The following GUCY1B1 variants were observed in gnomAD, a reference collection of about 807,000 sequenced individuals.
GUCY1B1 encodes the protein guanylate cyclase 1 soluble subunit beta 1, also known as guanylate cyclase soluble subunit beta-1.
A neutral mutation model predicts 71.0 loss-of-function variants in GUCY1B1; 43 were observed. The observed-to-expected ratio is 0.61, with a 90% CI of 0.47 to 0.78. The LOEUF is 0.78. Among genes scored for constraint, GUCY1B1 ranks in the 30% least tolerant of loss-of-function variants. The pLI is 0.00. For missense variants in GUCY1B1, 535 were observed against 754.1 expected (o/e 0.71, Z 3.40); for synonymous variants, 266 against 259.7 (o/e 1.02, Z -0.23).
chr4:155,806,504 G>T lies in GUCY1B1; in HGVS notation c.*95G>T. On this transcript the variant is annotated 3_prime_UTR_variant, in exon 14 of 14. Transcript: ENST00000264424. Reference sequence around the variant, plus strand: ...GGAGCAGTTCTTCCCTATGGATACAGATTTTCTTTTGTCCTTGTCCATTAC... The same window carrying T: ...GGAGCAGTTCTTCCCTATGGATACATATTTTCTTTTGTCCTTGTCCATTAC... 1.3e-6 allele frequency: 1 copy of T among 794,782 alleles called. No homozygotes were observed. The allele number at this position is 794,782 out of a possible 1,614,324, so 49.2% of individuals were successfully genotyped here.
intron 9 of GUCY1B1, among the ~76,000 whole-genome samples, chr4:155,801,520 T>C (rs1442755812): frequency 6.6e-6 from 1 of 152,232 alleles, no homozygotes; most frequent in Non-Finnish European, 1.5e-5. Context: ...AATTCTACTA[T>C]GACTAGGAAA....
At chr4:155,795,295 C>T (rs376678766) in intron 6 of GUCY1B1, 46 bp from the exon 7 acceptor site, 14 of 925,040 alleles carry the variant, frequency 1.5e-5, no homozygotes, top group Non-Finnish European at 2.3e-5. Context: ...AGTATAAAAA[C>T]TATTTTAACT....
In GUCY1B1 at chr4:155,768,671, A is replaced by G. The variant is rs1737508811; in HGVS notation, c.78-6297A>G. 2.6e-5 allele frequency among the ~76,000 whole-genome samples: 4 copies of G among 152,122 alleles called. No homozygotes were observed. The South Asian group carries it at 8.3e-4, about 31-fold the overall frequency. On this transcript the variant is annotated intron_variant, in intron 2 of 13. Coordinates refer to ENST00000264424, the MANE Select transcript of GUCY1B1 (RefSeq NM_000857.5). ...AAACACCACCACTATAAAAATACCA[A>G]CTACCTCTTTGTGAAAAGGTAATTA...
intron 8 of GUCY1B1, among the ~76,000 whole-genome samples, chr4:155,798,311 A>G (rs544493509): frequency 2.2e-4 from 34 of 152,286 alleles, no homozygotes; most frequent in African/African-American, 7.9e-4. Context: ...GATATAGGGC[A>G]TTTTTAGAAC....
chr4:155,784,666 A>T (rs374283374), intron 4 of GUCY1B1, among the ~76,000 whole-genome samples: 5 of 152,022 alleles, frequency 3.3e-5, no homozygotes, highest in African/African-American at 1.2e-4. Context: ...AACACAGACA[A>T]CTCCCTTCTC....
chr4:155,791,875 G>A (rs1445440722), intron 5 of GUCY1B1, among the ~76,000 whole-genome samples: 1 of 151,820 alleles, frequency 6.6e-6, no homozygotes, highest in African/African-American at 2.4e-5. Context: ...AAAGAGGTAG[G>A]TTCGTAGAAA....
chr4:155,784,714 T>G (rs1196986794), intron 4 of GUCY1B1, among the ~76,000 whole-genome samples: 1 of 152,162 alleles, frequency 6.6e-6, no homozygotes, highest in Non-Finnish European at 1.5e-5. Context: ...ATACTGAAAA[T>G]GTTTTTCTTT....
rs1437787792 is a variant in GUCY1B1, at chr4:155,793,843, CT to C, written c.496-10del. The C allele has an allele frequency of 2.6e-6, 3 of 1,163,128 alleles. No homozygotes were observed. Among genetic ancestry groups the C allele is most frequent in the Non-Finnish European group, 3.9e-6 (3 of 771,520 alleles). The allele number at this position is 1,163,128 out of a possible 1,614,324, so 72.1% of individuals were successfully genotyped here. On this transcript the variant is annotated splice_polypyrimidine_tract_variant and intron_variant, in intron 5 of 13. Transcript: ENST00000264424. ...TGAAGACAATTCATGCCATTTCCCC[CT>C]TTGATATCCAGGTTATTCAGCAAAG...
Position 155,777,546 on chromosome 4 carries a change from C to T in GUCY1B1, c.201C>T (p.Leu67=). The change falls in exon 4 of 14, where the codon CTC becomes CTT. Residue 67 remains leucine (L), a synonymous_variant. Transcript: ENST00000264424. Reference sequence around the variant, plus strand: ...TAGATCTCAATGCTGGAGAAATCCTCCAAATGTTTGGGAAGATGTTTTTCG... The same window carrying T: ...TAGATCTCAATGCTGGAGAAATCCTTCAAATGTTTGGGAAGATGTTTTTCG... ...KVLNLNAGEI[L]QMFGKMFFVF... The T allele has an allele frequency of 1.9e-6, 3 of 1,600,370 alleles. No individual in the cohort carries two copies. Among genetic ancestry groups the T allele is most frequent in the Non-Finnish European group, 2.6e-6 (3 of 1,167,630 alleles).
In GUCY1B1 at chr4:155,794,011, T is replaced by C; in HGVS notation, c.651T>C (p.Phe217=). The C allele has an allele frequency of 6.2e-7, 1 of 1,613,394 alleles. No individual in the cohort carries two copies. Among genetic ancestry groups the C allele is most frequent in the African/African-American group, 1.3e-5 (1 of 75,042 alleles). Residue 217 remains phenylalanine (F), a synonymous_variant, in exon 6 of 14, where the codon TTT becomes TTC. Transcript: ENST00000264424. ...GCCCATATACATTCTGCAAAGCTTT[T>C]CCTTTTCATATAATATTTGACCGGG... The part of the protein sequence containing the change: ...RISPYTFCKA[F]PFHIIFDRDL...
At chr4:155,804,823 A>G in intron 12 of GUCY1B1, 76 bp downstream of exon 12, 2 of 1,339,978 alleles carry the variant, frequency 1.5e-6, no homozygotes, top group Non-Finnish European at 2.1e-6. Flanking sequence ...TCTCTGAGAG[A>G]TTTTGTTGCT....
At chr4:155,781,758 A>G (rs979158259) in intron 4 of GUCY1B1, among the ~76,000 whole-genome samples, 4 of 152,026 alleles carry the variant, frequency 2.6e-5, no homozygotes, top group Admixed American at 2.6e-4. Flanking sequence ...ACAGTTTAGA[A>G]TTGATTTTTT....
At chr4:155,761,551 T>C (rs72697845) in intron 2 of GUCY1B1, among the ~76,000 whole-genome samples, 2,879 of 152,292 alleles carry the variant, frequency 0.019, 43 homozygotes, top group Non-Finnish European at 0.031. Flanking sequence ...TAGATCACTG[T>C]TAAATACAGA....
In GUCY1B1 at chr4:155,804,513, A is replaced by G. The variant is rs899684116; in HGVS notation, c.1555-80A>G. 23 of 1,120,908 alleles carry G rather than the reference A, an allele frequency of 2.1e-5. No homozygotes were observed. In the African/African-American group the frequency reaches 2.7e-4, roughly 13 times the overall value. 69.4% of individuals were successfully genotyped at this position (1,120,908 alleles called of 1,614,324 possible). The stretch of plus-strand genomic sequence containing the variant: ...CCTGCACCTTCTGCACCTGTATGCC[A>G]GAACTTAAAGTAAAATAAAAAAAAA... On this transcript the variant is annotated intron_variant, in intron 11 of 13. Coordinates refer to ENST00000264424, the MANE Select transcript of GUCY1B1 (RefSeq NM_000857.5).
chr4:155,772,566 G>A (rs1737765898), intron 2 of GUCY1B1: 5 of 576,628 alleles, frequency 8.7e-6, no homozygotes, highest in South Asian at 4.1e-5. Flanking sequence ...ACAGACTTGC[G>A]CCACCACACC....
rs947890177 is a variant in GUCY1B1 at position 155,765,443 on chromosome 4, G to A, written c.77+5583G>A. On this transcript the variant is annotated intron_variant, in intron 2 of 13. Transcript: ENST00000264424. ...CTCCTTGTTCGTTAAAGAGGAAATG[G>A]TGGGAGAAAAAATGTCTTTATTGTT... Among the ~76,000 whole-genome samples, 3 of 152,110 alleles carry A rather than the reference G, an allele frequency of 2.0e-5. No individual in the cohort carries two copies. In the South Asian group the frequency reaches 6.2e-4, roughly 31 times the overall value.
chr4:155,788,476 C>T (rs1287085090), intron 4 of GUCY1B1, among the ~76,000 whole-genome samples: 5 of 152,242 alleles, frequency 3.3e-5, no homozygotes, highest in African/African-American at 1.2e-4. Flanking sequence ...TTTAAGTGCA[C>T]AGTCACCCAT....
intron 12 of GUCY1B1, 34 bp from the exon 13 acceptor site, chr4:155,805,069 C>A (rs763106272): frequency 6.3e-7 from 1 of 1,589,346 alleles, no homozygotes; most frequent in Non-Finnish European, 8.6e-7. Flanking sequence ...CTTGTGTATA[C>A]TTCTCTCTCT....
In GUCY1B1 at chr4:155,759,782, C is replaced by G. The variant is rs1330842589; in HGVS notation, c.4-5C>G. 4.3e-6 allele frequency: 7 copies of G among 1,610,366 alleles called. No individual in the cohort carries two copies. Among genetic ancestry groups the G allele is most frequent in the African/African-American group, 2.7e-5 (2 of 74,804 alleles). ...TGACGCTCAAGTCTCTCCCTGTCCC[C>G]GCAGTACGGATTTGTGAATCACGCC... On this transcript the variant is annotated splice_region_variant and splice_polypyrimidine_tract_variant and intron_variant, in intron 1 of 13. Transcript: ENST00000264424.
Sources: gnomAD v4.1 joint callset for allele counts (sites outside exome capture counted in the v4.1 genomes callset) on GRCh38, gnomAD v4.1.1 for gene constraint, MANE v1.5 for transcripts, NCBI Gene and HGNC (gene_info 2026-07-23, HGNC 2026-07-21) for gene names.